LIFR: variants seen among roughly 807,000 people sequenced by gnomAD.
The protein encoded by LIFR is leukemia inhibitory factor receptor.
A neutral mutation model predicts 122.2 loss-of-function variants in LIFR; 84 were observed. The observed-to-expected ratio is 0.69, with a 90% CI of 0.58 to 0.82. The LOEUF is 0.82. Among genes scored for constraint, LIFR ranks in the 40% least tolerant of loss-of-function variants. The probability of loss-of-function intolerance (pLI) is 0.00; values close to 1 mark genes in which losing one functional copy is unlikely to be tolerated. For synonymous variants in LIFR, 422 were observed against 434.7 expected, an observed-to-expected ratio of 0.97 and a Z score of 0.36; for missense variants, 1,294 against 1,311.6, an observed-to-expected ratio of 0.99 and a Z score of 0.21.
rs118061066 is a variant in LIFR, at chr5:38,591,493, G to A, written c.-20+3768C>T. On this transcript the variant is annotated intron_variant, in intron 1 of 19. Transcript: ENST00000263409. ...TCCACACTAATGTTTTGGACTTAAC[G>A]TTATGCTTTAACTTTTCATCTGTTT... Among the ~76,000 whole-genome samples, 33 of 152,288 alleles carry A rather than the reference G, an allele frequency of 2.2e-4. No individual in the cohort carries two copies. In the East Asian group the frequency reaches 4.1e-3, roughly 19 times the overall value.
At position 38,510,523 on chromosome 5, in the gene LIFR, C is replaced by T; in HGVS notation, c.932G>A (p.Gly311Glu). 6.2e-7 allele frequency: 1 copy of T among 1,613,790 alleles called. No homozygotes were observed. ...TTCGGTTGTAAAAACTACATTTGTT[C>T]CACTACTTGCAGAAACAGAAATATT... is the stretch of plus-strand genomic sequence containing the variant. ...IRNISVSASS[G>E]TNVVFTTEDN... The change falls in exon 7 of 20, where the codon GGA becomes GAA. Residue 311 changes from glycine (G) to glutamate (E), a missense_variant. Physicochemically the swap from Gly to Glu is moderately conservative, Grantham distance 98. Transcript: ENST00000453190.
At chr5:38,586,925 A>C (rs1221554555) in intron 1 of LIFR, among the ~76,000 whole-genome samples, 1 of 152,186 alleles carries the variant, frequency 6.6e-6, no homozygotes, top group Non-Finnish European at 1.5e-5. Flanking sequence ...AGAATTTAGA[A>C]ATGAAAGAAA....
chr5:38,523,476 T>A lies in LIFR; in HGVS notation c.504A>T (p.Ser168=). The A allele has an allele frequency of 6.2e-7, 1 of 1,613,702 alleles. No individual in the cohort carries two copies. Among genetic ancestry groups the A allele is most frequent in the Non-Finnish European group, 8.5e-7 (1 of 1,179,782 alleles). ...NDRGSVFPHR[S]NVIWEIKVLR... is the part of the protein sequence containing the mutation. Reference sequence around the variant, plus strand: ...GAACTTTAATTTCCCAGATAACATTTGAGCGGTGTGGAAAAACTGAACCCC... The same window carrying A: ...GAACTTTAATTTCCCAGATAACATTAGAGCGGTGTGGAAAAACTGAACCCC... The change falls in exon 5 of 20, where the codon TCA becomes TCT. Residue 168 remains serine (S), a synonymous_variant. Coordinates refer to ENST00000453190, the MANE Select transcript of LIFR (RefSeq NM_001127671.2).
Position 38,481,971 on chromosome 5 carries a change from A to ATAACCTGTGCAGTCC in LIFR, c.2903_2917dup (p.Val972_Ile973insArgThrAlaGlnVal), listed in dbSNP as rs1744015674. 1 of 1,614,180 alleles carries ATAACCTGTGCAGTCC rather than the reference A, an allele frequency of 6.2e-7. No individual in the cohort carries two copies. The highest frequency in any genetic ancestry group is 8.5e-7 in the Non-Finnish European group (1 of 1,180,042). On this transcript the variant is annotated inframe_insertion, in exon 20 of 20. Coordinates refer to ENST00000453190, the MANE Select transcript of LIFR (RefSeq NM_001127671.2). ...ATACATCGACTGAACATCAATGTAAATAACCTGTGCAGTCCCTCCAGCTTC... is the reference window on the plus strand; with the variant it reads ...ATACATCGACTGAACATCAATGTAAATAACCTGTGCAGTCCTAACCTGTGCAGTCCCTCCAGCTTC...
rs373142822 is a variant in LIFR, at chr5:38,481,600, C to T, written c.3289G>A (p.Asp1097Asn). ...GAAGTGACACGGTGACACTGTTAATCGTTTGGTTTGTTCTGAAAAAAGTTT... is the reference window on the plus strand; with the variant it reads ...GAAGTGACACGGTGACACTGTTAATTGTTTGGTTTGTTCTGAAAAAAGTTT... ...FTNFFQNKPN[D>N] is the part of the protein sequence containing the mutation. The change falls in exon 20 of 20, where the codon GAT becomes AAT. Residue 1097 changes from aspartate to asparagine, a missense_variant. Asp to Asn is a conservative substitution (Grantham distance 23). Coordinates refer to ENST00000453190, the MANE Select transcript of LIFR (RefSeq NM_001127671.2). 402 of 1,613,954 alleles carry T rather than the reference C, an allele frequency of 2.5e-4. 1 individual carries two copies. The highest frequency in any genetic ancestry group is 4.0e-4 in the South Asian group (36 of 91,074).
chr5:38,513,974 C>G (rs1314550815), intron 5 of LIFR, among the ~76,000 whole-genome samples: 4 of 151,790 alleles, frequency 2.6e-5, no homozygotes, highest in Non-Finnish European at 5.9e-5. Context: ...TCATTACTAT[C>G]CTCAGAGATA....
chr5:38,579,831 C>A (rs998268522), intron 1 of LIFR, among the ~76,000 whole-genome samples: 5 of 152,168 alleles, frequency 3.3e-5, no homozygotes, highest in African/African-American at 1.2e-4. Flanking sequence ...TCTACTAGGT[C>A]ATCCAAAAAC....
chr5:38,544,826 T>G (rs1159168861), intron 1 of LIFR, among the ~76,000 whole-genome samples: 1 of 152,030 alleles, frequency 6.6e-6, no homozygotes, highest in Non-Finnish European at 1.5e-5. Context: ...AGCACTCCTC[T>G]TCAGCGCTAT....
intron 1 of LIFR, among the ~76,000 whole-genome samples, chr5:38,576,296 T>C (rs916336142): frequency 3.2e-4 from 48 of 152,332 alleles, no homozygotes; most frequent in African/African-American, 1.1e-3. Context: ...GTCAACATCA[T>C]ATCCAGAACA....
At chr5:38,496,732 G>A (rs1345702438) in intron 12 of LIFR, 137 bp from the exon 13 acceptor site, 7 of 709,688 alleles carry the variant, frequency 9.9e-6, no homozygotes, top group Non-Finnish European at 1.8e-5. Flanking sequence ...TATAATTCCA[G>A]CACTTAGGCC....
chr5:38,566,677 ATATAAT>A (rs1422822701), intron 1 of LIFR, among the ~76,000 whole-genome samples: 1 of 152,176 alleles, frequency 6.6e-6, no homozygotes, highest in Non-Finnish European at 1.5e-5. Flanking sequence ...TAATGTAATA[ATATAAT>A]ATATGGGAGG....
At chr5:38,532,714 A>G (rs1580130197) in intron 1 of LIFR, among the ~76,000 whole-genome samples, 1 of 152,230 alleles carries the variant, frequency 6.6e-6, no homozygotes, top group South Asian at 2.1e-4. Context: ...ATAACACATC[A>G]GACTTCCCCA....
chr5:38,496,518 G>C lies in LIFR; in HGVS notation c.1749C>G (p.Ser583=), dbSNP rs778391750. The C allele has an allele frequency of 1.9e-6, 3 of 1,613,694 alleles. No homozygotes were observed. The African/African-American group carries it at 4.0e-5, about 22-fold the overall frequency. The change falls in exon 13 of 20, where the codon TCC becomes TCG. Residue 583 remains serine (S), a synonymous_variant. Transcript: ENST00000453190. ...VSCSSDEETQ[S]LSEIPDPQHK... is the part of the protein sequence containing the mutation. ...GCTGAGGATCAGGGATTTCAGAAAG[G>C]GACTGTGTTTCCTCATCTGATGAAC...
upstream of LIFR, among the ~76,000 whole-genome samples, chr5:38,598,052 T>C (rs1750141135): frequency 1.3e-5 from 2 of 151,836 alleles, no homozygotes; most frequent in African/African-American, 2.4e-5. Flanking sequence ...GAAACACTGA[T>C]TAGACTCTAG....
Position 38,496,366 on chromosome 5 carries a change from C to CTT in LIFR, c.1885+15_1885+16insAA. 1 of 1,580,160 alleles carries CTT rather than the reference C, an allele frequency of 6.3e-7. No homozygotes were observed. On this transcript the variant is annotated intron_variant, in intron 13 of 19. Coordinates refer to ENST00000453190, the MANE Select transcript of LIFR (RefSeq NM_001127671.2). ...AGTTTCCCGTTCTTATATACTAAAT[C>CTT]ATCTCAAGCACTCACCATTTGGAAT...
At chr5:38,529,677 C>T (rs1393548557) in intron 2 of LIFR, among the ~76,000 whole-genome samples, 2 of 151,680 alleles carry the variant, frequency 1.3e-5, no homozygotes, top group African/African-American at 4.8e-5. Context: ...AGGAGGGAAA[C>T]AAGGGGAAAA....
At position 38,476,001 on chromosome 5, in the gene LIFR, A is replaced by G. The variant is rs964189582; in HGVS notation, c.*5594T>C. 4 of 199,516 alleles carry G rather than the reference A, an allele frequency of 2.0e-5. No homozygotes were observed. Among genetic ancestry groups the G allele is most frequent in the East Asian group, 7.7e-5 (1 of 12,930 alleles). The allele number at this position is 199,516 out of a possible 1,614,324, so 12.4% of individuals were successfully genotyped here. On this transcript the variant is annotated 3_prime_UTR_variant, in exon 20 of 20. Coordinates refer to ENST00000453190, the MANE Select transcript of LIFR (RefSeq NM_001127671.2). Reference sequence around the variant, plus strand: ...AAACGCCAGGAAGGGCATCAATCACATAACACCTACCCCTCCACAACAATG... The same window carrying G: ...AAACGCCAGGAAGGGCATCAATCACGTAACACCTACCCCTCCACAACAATG...
At chr5:38,555,953 G>A (rs1017380446) in intron 1 of LIFR, among the ~76,000 whole-genome samples, 12 of 152,164 alleles carry the variant, frequency 7.9e-5, no homozygotes, top group Non-Finnish European at 1.3e-4. Context: ...AATGCACTAC[G>A]GATACAGAAA....
intron 11 of LIFR, 72 bp downstream of exon 11, chr5:38,502,565 T>A: frequency 1.0e-5 from 14 of 1,353,878 alleles, no homozygotes; most frequent in Non-Finnish European, 1.5e-5. Context: ...GGCCAACATC[T>A]TCTTTTTAAA....
Sources: allele counts gnomAD v4.1 joint callset (sites outside exome capture counted in the v4.1 genomes callset), GRCh38; gene constraint gnomAD v4.1.1; transcripts MANE v1.5; gene names NCBI Gene and HGNC (gene_info 2026-07-23, HGNC 2026-07-21).